Variants in RANBP2 observed in about 807,000 individuals in gnomAD.
RANBP2 encodes E3 SUMO-protein ligase RanBP2.
Under a neutral mutation model 303.6 loss-of-function variants are expected in RANBP2, and 57 were observed. The observed-to-expected ratio is 0.19, with a 90% confidence interval of 0.15 to 0.23. The LOEUF (loss-of-function observed/expected upper bound fraction) is 0.23, where lower values mean the gene tolerates loss of function less well. RANBP2 is among the 10% of genes least tolerant of loss of function. RANBP2 has a pLI of 1.00. For synonymous variants in RANBP2, 1,167 were observed against 1,301.5 expected (o/e 0.90, Z 2.23); for missense variants, 3,138 against 3,780.8 (o/e 0.83, Z 4.46).
At chr2:109,204,775 T>C in the RANBP2 span, among the ~76,000 whole-genome samples, 1 of 152,252 alleles carries the variant, frequency 6.6e-6, no homozygotes, top group East Asian at 1.9e-4. Context: ...TCCTGCATTC[T>C]AGATTTATTG....
the RANBP2 span, among the ~76,000 whole-genome samples, chr2:109,302,748 AGACAC>A: frequency 7.5e-6 from 1 of 133,740 alleles, no homozygotes; most frequent in Middle Eastern, 3.4e-3. Context: ...TCCTGTTTTC[AGACAC>A]GACATTTCAC....
At chr2:109,113,848 T>C in the RANBP2 span, among the ~76,000 whole-genome samples, 1 of 152,146 alleles carries the variant, frequency 6.6e-6, no homozygotes, top group African/African-American at 2.4e-5. Flanking sequence ...GCATGAAGAG[T>C]TGTTGAATTT....
At chr2:108,805,338 A>G in the RANBP2 span, among the ~76,000 whole-genome samples, 16 of 152,242 alleles carry the variant, frequency 1.1e-4, no homozygotes, top group South Asian at 1.0e-3. Context: ...TTGAGTATCT[A>G]TTATATCCTA....
the RANBP2 span, among the ~76,000 whole-genome samples, chr2:109,391,827 C>T: frequency 5.3e-5 from 8 of 152,046 alleles, no homozygotes; most frequent in African/African-American, 7.2e-5. Context: ...TTTCAACCTC[C>T]TAAAAATATG....
the RANBP2 span, among the ~76,000 whole-genome samples, chr2:109,575,368 TAAGTA>T: frequency 6.6e-6 from 1 of 152,242 alleles, no homozygotes; most frequent in African/African-American, 2.4e-5. Context: ...ACAAAAAGCC[TAAGTA>T]AAGAAGAAAG....
the RANBP2 span, among the ~76,000 whole-genome samples, chr2:109,521,625 T>G: frequency 1.3e-5 from 2 of 152,248 alleles, no homozygotes; most frequent in Non-Finnish European, 1.5e-5. Context: ...GTGTTCTATT[T>G]ATTTCCACCC....
chr2:108,966,004 C>T, the RANBP2 span, among the ~76,000 whole-genome samples: 4 of 152,306 alleles, frequency 2.6e-5, no homozygotes, highest in Admixed American at 1.3e-4. Flanking sequence ...TTGAGTGACA[C>T]CTTCCCTTTT....
At chr2:109,465,927 C>G in the RANBP2 span, among the ~76,000 whole-genome samples, 1 of 152,142 alleles carries the variant, frequency 6.6e-6, no homozygotes, top group Non-Finnish European at 1.5e-5. Flanking sequence ...GGATCCGTCC[C>G]CACGATCCAG....
chr2:109,778,300 T>G, the RANBP2 span, among the ~76,000 whole-genome samples: 1 of 137,186 alleles, frequency 7.3e-6, no homozygotes, highest in Non-Finnish European at 1.5e-5. Context: ...ATTTGTAAAA[T>G]GCAGATAATG....
In RANBP2 at chr2:108,766,287, T is replaced by C; in HGVS notation, c.5748T>C (p.Leu1916=). 2 of 1,612,118 alleles carry C rather than the reference T, an allele frequency of 1.2e-6. No homozygotes were observed. The highest frequency in any genetic ancestry group is 8.5e-7 in the Non-Finnish European group (1 of 1,179,966). Residue 1916 remains leucine, a synonymous_variant, in exon 20 of 29, where the codon CTT becomes CTC. Coordinates refer to ENST00000283195, the MANE Select transcript of RANBP2 (RefSeq NM_006267.5). Reference sequence around the variant, plus strand: ...AAGAAAAGAAAAGTGAAAAGCCTCTTGAAAATGGTACTGGCTTCCAGGCTC... The same window carrying C: ...AAGAAAAGAAAAGTGAAAAGCCTCTCGAAAATGGTACTGGCTTCCAGGCTC... ...GNQEKKSEKP[L]ENGTGFQAQD...
chr2:109,081,189 A>G, the RANBP2 span, among the ~76,000 whole-genome samples: 1 of 152,246 alleles, frequency 6.6e-6, no homozygotes, highest in African/African-American at 2.4e-5. Context: ...CATTGAAATT[A>G]ATTTCACTTG....
At chr2:109,228,908 G>T in the RANBP2 span, among the ~76,000 whole-genome samples, 1 of 152,174 alleles carries the variant, frequency 6.6e-6, no homozygotes, top group Non-Finnish European at 1.5e-5. Flanking sequence ...CAGCCCCTCT[G>T]CCCTCTTTGG....
chr2:108,986,348 G>A, the RANBP2 span, among the ~76,000 whole-genome samples: 1 of 152,132 alleles, frequency 6.6e-6, no homozygotes, highest in East Asian at 1.9e-4. Flanking sequence ...GTGTGTCTGG[G>A]GCTGACACGA....
chr2:109,317,365 G>A, the RANBP2 span, among the ~76,000 whole-genome samples: 1 of 152,080 alleles, frequency 6.6e-6, no homozygotes, highest in African/African-American at 2.4e-5. Context: ...CCAGCCCCAG[G>A]GGGTGGAGGA....
the RANBP2 span, among the ~76,000 whole-genome samples, chr2:109,178,509 T>C: frequency 6.6e-6 from 1 of 152,230 alleles, no homozygotes; most frequent in African/African-American, 2.4e-5. Context: ...ACTGTATTTG[T>C]CAGAGATTAT....
chr2:109,395,030 T>C, the RANBP2 span, among the ~76,000 whole-genome samples: 83,821 of 152,180 alleles, frequency 0.55, 23,940 homozygotes, highest in African/African-American at 0.69. Flanking sequence ...GGTGCCAAAT[T>C]CAGGCCCAGC....
chr2:109,523,939 G>C, the RANBP2 span, among the ~76,000 whole-genome samples: 2 of 151,924 alleles, frequency 1.3e-5, no homozygotes, highest in African/African-American at 4.8e-5. Context: ...TCTGTAAGGA[G>C]CTGTGGTGCA....
the RANBP2 span, among the ~76,000 whole-genome samples, chr2:109,549,032 A>G: frequency 6.6e-6 from 1 of 152,204 alleles, no homozygotes; most frequent in Admixed American, 6.5e-5. Context: ...ATGCCTTTTC[A>G]GAGAAGCATC....
the RANBP2 span, chr2:109,615,221 C>G: frequency 6.5e-7 from 1 of 1,546,830 alleles, no homozygotes; most frequent in Non-Finnish European, 8.7e-7. Flanking sequence ...ACTCAGACAG[C>G]GCATCGGTGG....
Sources: allele counts gnomAD v4.1 joint callset (sites outside exome capture counted in the v4.1 genomes callset), GRCh38; gene constraint gnomAD v4.1.1; transcripts MANE v1.5; gene names NCBI Gene and HGNC (gene_info 2026-07-23, HGNC 2026-07-21).